Variants in SLC9A2 observed in about 807,000 individuals in gnomAD.
SLC9A2 encodes sodium/hydrogen exchanger 2.
Under a neutral mutation model 71.7 loss-of-function variants are expected in SLC9A2, and 42 were observed. That is an observed-to-expected ratio of 0.59 (90% confidence interval 0.46 to 0.76). SLC9A2 has a LOEUF of 0.76. Ranked by LOEUF, SLC9A2 falls within the 30% of genes least tolerant of loss-of-function variation. The pLI is 0.00. For missense variants in SLC9A2, 829 were observed against 1,017.4 expected, an observed-to-expected ratio of 0.81 and a Z score of 2.52; for synonymous variants, 396 against 392.5, an observed-to-expected ratio of 1.01 and a Z score of -0.10.
At chr2:102,654,195 C>CTTTTTTTT (rs34248413) in intron 1 of SLC9A2, among the ~76,000 whole-genome samples, 13 of 89,528 alleles carry the variant, frequency 1.5e-4, no homozygotes, top group African/African-American at 5.2e-4. Context: ...TTGGCTGACT[C>CTTTTTTTT]TTTTTTTTTT....
intron 3 of SLC9A2, among the ~76,000 whole-genome samples, chr2:102,679,385 A>AAT (rs1677406046): frequency 2.7e-5 from 2 of 74,400 alleles, no homozygotes; most frequent in African/African-American, 1.2e-4. Flanking sequence ...TATATATATA[A>AAT]TTTTTTTTTT....
chr2:102,695,363 A>G (rs911025957), intron 7 of SLC9A2, among the ~76,000 whole-genome samples: 3 of 152,172 alleles, frequency 2.0e-5, no homozygotes, highest in Non-Finnish European at 2.9e-5. Flanking sequence ...GTTTACTCCA[A>G]GACTCCCCCA....
chr2:102,669,568 C>A (rs543085200), intron 3 of SLC9A2, among the ~76,000 whole-genome samples: 6 of 152,134 alleles, frequency 3.9e-5, no homozygotes, highest in Admixed American at 1.3e-4. Flanking sequence ...GCATTGGACA[C>A]CTTTGAGTAT....
chr2:102,690,968 CAA>C (rs57709703), intron 5 of SLC9A2, among the ~76,000 whole-genome samples: 21,485 of 131,246 alleles, frequency 0.16, 1,616 homozygotes, highest in African/African-American at 0.2. Flanking sequence ...TCATTTTCTT[CAA>C]AAAAAAAAAA....
intron 1 of SLC9A2, among the ~76,000 whole-genome samples, chr2:102,650,018 G>A (rs1012405771): frequency 4.6e-5 from 7 of 152,164 alleles, no homozygotes; most frequent in Admixed American, 6.5e-5. Flanking sequence ...ACATGCACAC[G>A]TGTGTTTCTT....
chr2:102,669,946 C>T (rs887745907), intron 3 of SLC9A2, among the ~76,000 whole-genome samples: 4 of 152,146 alleles, frequency 2.6e-5, no homozygotes, highest in African/African-American at 7.2e-5. Flanking sequence ...GCGTACTTGG[C>T]CTCCACAGCA....
intron 3 of SLC9A2, among the ~76,000 whole-genome samples, chr2:102,681,246 G>A (rs1677447815): frequency 6.6e-6 from 1 of 152,174 alleles, no homozygotes; most frequent in South Asian, 2.1e-4. Flanking sequence ...CACAGTGCTG[G>A]CTTTGTTTTT....
intron 5 of SLC9A2, among the ~76,000 whole-genome samples, chr2:102,685,789 G>A (rs1320589463): frequency 6.6e-6 from 1 of 152,228 alleles, no homozygotes; most frequent in Non-Finnish European, 1.5e-5. Context: ...GTGTCCATTA[G>A]ACCTACAGTG....
chr2:102,652,145 T>C lies in SLC9A2; in HGVS notation c.290-5419T>C, dbSNP rs1676848427. Among the ~76,000 whole-genome samples the C allele has an allele frequency of 1.3e-5, 2 of 152,232 alleles. 1 individual carries two copies. The highest frequency in any genetic ancestry group is 4.8e-5 in the African/African-American group (2 of 41,464). On this transcript the variant is annotated intron_variant, in intron 1 of 11. Coordinates refer to ENST00000233969, the MANE Select transcript of SLC9A2 (RefSeq NM_003048.6). ...CTAAAGAAAACATACTTATTTTCAC[T>C]AGTGGTTAATCACATCTGTTTGGTT... is the stretch of plus-strand genomic sequence containing the variant.
chr2:102,658,144 G>T, intron 2 of SLC9A2, 117 bp downstream of exon 2: 1 of 708,750 alleles, frequency 1.4e-6, no homozygotes, highest in Non-Finnish European at 2.4e-6. Flanking sequence ...GGTTTCATGA[G>T]CAATTGCCCA....
At chr2:102,686,971 T>C (rs1011782) in intron 5 of SLC9A2, among the ~76,000 whole-genome samples, 3,386 of 152,320 alleles carry the variant, frequency 0.022, 131 homozygotes, top group African/African-American at 0.075. Flanking sequence ...GAATTTGGTA[T>C]TGTGAACACA....
chr2:102,639,635 C>T (rs950456596), intron 1 of SLC9A2, among the ~76,000 whole-genome samples: 2 of 152,182 alleles, frequency 1.3e-5, no homozygotes, highest in Admixed American at 1.3e-4. Context: ...CAACTACTAC[C>T]TCCATCAATC....
chr2:102,697,551 C>T, intron 7 of SLC9A2: 1 of 150,760 alleles, frequency 6.6e-6, no homozygotes, highest in Admixed American at 6.6e-5. Flanking sequence ...TTTCCACGCA[C>T]AACTTTTTTT....
chr2:102,699,988 A>G (rs1677843219), intron 7 of SLC9A2, among the ~76,000 whole-genome samples: 1 of 152,120 alleles, frequency 6.6e-6, no homozygotes, highest in East Asian at 1.9e-4. Context: ...AGATCTTCAA[A>G]TGTGGTCATA....
intron 5 of SLC9A2, among the ~76,000 whole-genome samples, chr2:102,690,311 C>T (rs1050120772): frequency 6.6e-6 from 1 of 152,048 alleles, no homozygotes; most frequent in Non-Finnish European, 1.5e-5. Flanking sequence ...TGTAGTGACG[C>T]CGTGATGAGT....
chr2:102,687,018 T>A (rs1318206014), intron 5 of SLC9A2, among the ~76,000 whole-genome samples: 1 of 152,178 alleles, frequency 6.6e-6, no homozygotes, highest in East Asian at 1.9e-4. Flanking sequence ...CATCTGGGGA[T>A]CATTGTTTAG....
chr2:102,626,066 G>A (rs961653336), intron 1 of SLC9A2, among the ~76,000 whole-genome samples: 1 of 151,916 alleles, frequency 6.6e-6, no homozygotes, highest in Non-Finnish European at 1.5e-5. Context: ...TTTCTCTGAT[G>A]GCTACTTTAA....
At chr2:102,644,647 A>G (rs1676681260) in intron 1 of SLC9A2, among the ~76,000 whole-genome samples, 1 of 152,152 alleles carries the variant, frequency 6.6e-6, no homozygotes, top group African/African-American at 2.4e-5. Flanking sequence ...ACCTGCCATT[A>G]CTGAGGGTTG....
Position 102,683,562 on chromosome 2 carries a change from G to A in SLC9A2, c.1222+84G>A, listed in dbSNP as rs1002776468. 17 of 1,051,564 alleles carry A rather than the reference G, an allele frequency of 1.6e-5. No homozygotes were observed. In the African/African-American group the frequency reaches 2.4e-4, roughly 15 times the overall value. 65.1% of individuals were successfully genotyped at this position (1,051,564 alleles called of 1,614,324 possible). On this transcript the variant is annotated intron_variant, in intron 4 of 11. Transcript: ENST00000233969. ...TTCCTTTTGTCATTCCCTTTCTGCT[G>A]TTGTGGATTCTTTTATGTCTGCTTA...
Sources: allele counts gnomAD v4.1 joint callset (sites outside exome capture counted in the v4.1 genomes callset), GRCh38; gene constraint gnomAD v4.1.1; transcripts MANE v1.5; gene names NCBI Gene and HGNC (gene_info 2026-07-23, HGNC 2026-07-21).